Variants in FHDC1 observed in about 807,000 individuals in gnomAD.
FHDC1 encodes FH2 domain containing 1, also known as FH2 domain-containing protein 1.
FHDC1 carries 25 observed loss-of-function variants against 52.6 expected under a neutral mutation model. That is an observed-to-expected ratio of 0.48 (90% CI 0.35 to 0.66). The LOEUF (loss-of-function observed/expected upper bound fraction) is 0.66, where lower values mean the gene tolerates loss of function less well. Ranked by LOEUF, FHDC1 falls within the 30% of genes least tolerant of loss-of-function variation. FHDC1 has a pLI of 0.01. For missense variants in FHDC1, 1,459 were observed against 1,452.8 expected (o/e 1.00, Z -0.07); for synonymous variants, 616 against 581.5 (o/e 1.06, Z -0.85).
chr4:152,954,278 A>T lies in FHDC1; in HGVS notation c.622A>T (p.Thr208Ser). ...QGKSEHYGSETLREFLKFLPE... is the reference protein window; with the variant it reads ...QGKSEHYGSESLREFLKFLPE... ...AAAAAGTGAGCATTATGGATCAGAGACCTTGCGAGAATTTCTTAAGTTTTT... is the reference window on the plus strand; with the variant it reads ...AAAAAGTGAGCATTATGGATCAGAGTCCTTGCGAGAATTTCTTAAGTTTTT... The change falls in exon 4 of 12, where the codon ACC becomes TCC. Residue 208 changes from threonine (T) to serine (S), a missense_variant. Transcript: ENST00000511601. 1 of 1,614,204 alleles carries T rather than the reference A, an allele frequency of 6.2e-7. No individual in the cohort carries two copies. The highest frequency in any genetic ancestry group is 1.1e-5 in the South Asian group (1 of 91,086).
chr4:152,934,765 G>A (rs929203890), upstream of FHDC1, among the ~76,000 whole-genome samples: 2 of 152,118 alleles, frequency 1.3e-5, no homozygotes, highest in African/African-American at 2.4e-5. Context: ...AGGGATGAGG[G>A]GCTGAGAATG....
chr4:152,959,948 G>C (rs74815568), intron 4 of FHDC1, among the ~76,000 whole-genome samples: 1 of 125,668 alleles, frequency 8.0e-6, no homozygotes, highest in African/African-American at 2.8e-5. Flanking sequence ...TTAACGTCCC[G>C]TTGTTTAAGC....
chr4:152,956,813 A>G (rs954333234), intron 4 of FHDC1, among the ~76,000 whole-genome samples: 11 of 152,166 alleles, frequency 7.2e-5, no homozygotes, highest in Non-Finnish European at 1.5e-4. Context: ...CTCCTTGTTT[A>G]CATTACTGAC....
intron 7 of FHDC1, 21 bp downstream of exon 7, chr4:152,962,905 TTGTAA>T: frequency 6.2e-7 from 1 of 1,610,760 alleles, no homozygotes; most frequent in Non-Finnish European, 8.5e-7. Context: ...TCCAAAACAA[TTGTAA>T]TGTTATGTTT....
intron 4 of FHDC1, 110 bp from the exon 5 acceptor site, chr4:152,960,455 T>G: frequency 1.0e-6 from 1 of 960,270 alleles, no homozygotes; most frequent in Non-Finnish European, 1.6e-6. Context: ...TAATTTGAAT[T>G]TAGCACTAAA....
At chr4:152,953,818 C>T (rs1482675888) in intron 3 of FHDC1, among the ~76,000 whole-genome samples, 1 of 152,232 alleles carries the variant, frequency 6.6e-6, no homozygotes, top group African/African-American at 2.4e-5. Context: ...TTCAGAGTCA[C>T]CTTTAGTGTT....
chr4:152,972,029 A>C (rs1740653876), intron 10 of FHDC1, among the ~76,000 whole-genome samples: 3 of 152,204 alleles, frequency 2.0e-5, no homozygotes, highest in African/African-American at 7.2e-5. Flanking sequence ...AACAGATGCA[A>C]AATGGATCTT....
Position 152,953,538 on chromosome 4 carries a change from A to G in FHDC1, c.538A>G (p.Ile180Val), listed in dbSNP as rs140542586. 9.0e-5 allele frequency: 145 copies of G among 1,612,112 alleles called. 1 individual carries two copies. The highest frequency in any genetic ancestry group is 2.1e-5 in the Non-Finnish European group (25 of 1,179,894). ...LDAKRSMNIG[I>V]FLKQFKKSPR... ...TGCAAAACGGAGCATGAACATTGGG[A>G]TATTTCTTAAGCAATTTAAGAAGTA... The change falls in exon 3 of 12, where the codon ATA becomes GTA. Residue 180 changes from isoleucine to valine, a missense_variant. This residue lies in a region of FHDC1 where 513 missense variants were observed against 581.5 expected (regional missense o/e 0.88). Transcript: ENST00000511601.
At chr4:152,974,305 G>A (rs1259928241) in intron 11 of FHDC1, among the ~76,000 whole-genome samples, 2 of 152,142 alleles carry the variant, frequency 1.3e-5, no homozygotes, top group Non-Finnish European at 2.9e-5. Flanking sequence ...GCTTTCCTTG[G>A]AGTTGAGGTC....
chr4:152,927,688 C>T, the FHDC1 span: 1 of 1,560,536 alleles, frequency 6.4e-7, no homozygotes, highest in Non-Finnish European at 8.8e-7. Flanking sequence ...TGGTAAGAGG[C>T]TTAGATGAAG....
intron 9 of FHDC1, among the ~76,000 whole-genome samples, chr4:152,967,069 A>T (rs562128961): frequency 1.3e-5 from 2 of 152,148 alleles, no homozygotes; most frequent in African/African-American, 4.8e-5. Flanking sequence ...GCAGTGAGCC[A>T]TGATCTTGCC....
Position 152,964,970 on chromosome 4 carries a change from T to G in FHDC1, c.1095T>G (p.Thr365=), listed in dbSNP as rs767159512. 1.9e-5 allele frequency: 31 copies of G among 1,609,202 alleles called. No homozygotes were observed. In the South Asian group the frequency reaches 2.9e-4, roughly 15 times the overall value. ...AAAAATTGCATCATGTTCAGAAGAC[T>G]GCTAGGTGAGCAAGTGAATTGTGAG... ...FSEKLHHVQK[T]ARLSLENTEA... The change falls in exon 9 of 12, where the codon ACT becomes ACG. Residue 365 remains threonine, a synonymous_variant. Transcript: ENST00000511601.
intron 1 of FHDC1, among the ~76,000 whole-genome samples, chr4:152,940,316 A>G (rs1739541475): frequency 6.6e-6 from 1 of 152,250 alleles, no homozygotes; most frequent in Non-Finnish European, 1.5e-5. Flanking sequence ...TTAATCAGAC[A>G]GCATACCAGG....
chr4:152,961,498 C>T (rs1740280989), intron 6 of FHDC1, among the ~76,000 whole-genome samples: 1 of 152,226 alleles, frequency 6.6e-6, no homozygotes, highest in Admixed American at 6.5e-5. Context: ...CCGTCTCCTT[C>T]CGGAGGGGTG....
intron 4 of FHDC1, among the ~76,000 whole-genome samples, chr4:152,959,563 C>T (rs1740210289): frequency 6.6e-6 from 1 of 152,066 alleles, no homozygotes; most frequent in Admixed American, 6.5e-5. Flanking sequence ...ATCCTATCAC[C>T]TAGTGTATGT....
In FHDC1 at chr4:152,975,023, C is replaced by G. The variant is rs1740802744; in HGVS notation, c.1732C>G (p.Gln578Glu). The G allele has an allele frequency of 6.2e-7, 1 of 1,612,556 alleles. No homozygotes were observed. The highest frequency in any genetic ancestry group is 1.3e-5 in the African/African-American group (1 of 74,922). ...FHSLPRSSPR[Q>E]ARPTIACLEP... ...CAGCCTGCCCCGGAGCAGCCCCCGG[C>G]AGGCCCGGCCCACGATAGCCTGCCT... Residue 578 changes from glutamine to glutamate, a missense_variant, in exon 12 of 12, where the codon CAG becomes GAG. By Grantham distance (29) the Gln-to-Glu change is conservative. Around this residue, in one of 3 missense-constraint regions of FHDC1, gnomAD observed 939 missense variants for 854.5 expected, o/e 1.10. Coordinates refer to ENST00000511601, the MANE Select transcript of FHDC1 (RefSeq NM_001371116.1).
rs537643133 is a variant in FHDC1 at position 152,977,246 on chromosome 4, G to C, written c.*523G>C. 2 of 152,290 alleles carry C rather than the reference G, an allele frequency of 1.3e-5. No homozygotes were observed. The highest frequency in any genetic ancestry group is 6.5e-5 in the Admixed American group (1 of 15,296). 9.4% of individuals were successfully genotyped at this position (152,290 alleles called of 1,614,324 possible). A position where few individuals can be genotyped will look rare whatever the true frequency, so the allele number is the denominator to read the frequency against. On this transcript the variant is annotated 3_prime_UTR_variant, in exon 12 of 12. Transcript: ENST00000511601. The stretch of plus-strand genomic sequence containing the variant: ...GTCTCTATCAGAAATACAAAATTTA[G>C]CCGAGTGTGGTGGCACATGCCTGTG...
At chr4:152,933,863 A>C (rs1276864763), upstream of FHDC1, among the ~76,000 whole-genome samples, 3 of 152,300 alleles carry the variant, frequency 2.0e-5, no homozygotes, top group Middle Eastern at 6.8e-3. Flanking sequence ...GTCAGACTGA[A>C]GAATGCTGCC....
rs149724528 is a variant in FHDC1, at chr4:152,953,181, A to G, written c.499-318A>G. ...GCATTTCATATCCCACTAAACTCAT[A>G]GTAAACTTGAAAAATCATAAGTTGA... On this transcript the variant is annotated intron_variant, in intron 2 of 11. Transcript: ENST00000511601. Among the ~76,000 whole-genome samples the G allele has an allele frequency of 2.7e-3, 415 of 152,302 alleles. 2 individuals carry two copies. Among genetic ancestry groups the G allele is most frequent in the African/African-American group, 8.9e-3 (369 of 41,576 alleles).
Sources: gnomAD v4.1 joint callset for allele counts (sites outside exome capture counted in the v4.1 genomes callset) on GRCh38, gnomAD v4.1.1 for gene constraint, gnomAD v4.1.1 regional missense constraint, MANE v1.5 for transcripts, NCBI Gene and HGNC (gene_info 2026-07-23, HGNC 2026-07-21) for gene names.